The following CDH18 variants were observed in gnomAD, a reference collection of about 807,000 sequenced individuals.
The protein encoded by CDH18 is cadherin 18, also known as cadherin-18.
Under a neutral mutation model 67.9 loss-of-function variants are expected in CDH18, and 31 were observed. The ratio of observed to expected loss-of-function variants is 0.46; its 90% CI spans 0.34 to 0.62. CDH18 has a LOEUF of 0.62. CDH18 is among the 20% of genes least tolerant of loss of function. The pLI, the probability that CDH18 is intolerant of heterozygous loss-of-function variation, is 0.01. For synonymous variants in CDH18, 362 were observed against 347.2 expected (o/e 1.04, Z -0.48); for missense variants, 890 against 975.5 (o/e 0.91, Z 1.17).
At chr5:20,529,408 A>G (rs767335968) in intron 1 of CDH18, among the ~76,000 whole-genome samples, 4 of 152,082 alleles carry the variant, frequency 2.6e-5, no homozygotes, top group Non-Finnish European at 5.9e-5. Context: ...CATCATCCTG[A>G]TACCAAAACC....
At chr5:19,688,218 G>A (rs1447805536) in intron 5 of CDH18, among the ~76,000 whole-genome samples, 1 of 152,182 alleles carries the variant, frequency 6.6e-6, no homozygotes, top group African/African-American at 2.4e-5. Context: ...AAAGAAGGAA[G>A]TGGCCTAGAG....
chr5:20,375,196 C>T (rs1295355443), intron 1 of CDH18, among the ~76,000 whole-genome samples: 1 of 152,130 alleles, frequency 6.6e-6, no homozygotes. Flanking sequence ...TATAAGCCAA[C>T]ACATTTCTTT....
At chr5:19,730,523 G>C (rs1767449928) in intron 4 of CDH18, among the ~76,000 whole-genome samples, 1 of 152,074 alleles carries the variant, frequency 6.6e-6, no homozygotes, top group South Asian at 2.1e-4. Flanking sequence ...TTGGGGATGG[G>C]ACCCAAGTTT....
intron 1 of CDH18, among the ~76,000 whole-genome samples, chr5:20,316,742 A>G (rs2149999027): frequency 6.6e-6 from 1 of 152,144 alleles, no homozygotes; most frequent in East Asian, 1.9e-4. Context: ...GAAAAAGGAG[A>G]GTAGTCTAAA....
chr5:19,839,282 T>G, intron 2 of CDH18, 40 bp from the exon 3 acceptor site: 1 of 339,746 alleles, frequency 2.9e-6, no homozygotes. Flanking sequence ...CAAAACACGG[T>G]TTTTTTAACT....
At chr5:19,897,858 T>A (rs1455201586) in intron 2 of CDH18, among the ~76,000 whole-genome samples, 2 of 152,086 alleles carry the variant, frequency 1.3e-5, no homozygotes, top group Non-Finnish European at 2.9e-5. Flanking sequence ...TCTATGAAAG[T>A]AGAAGTCAGG....
At chr5:19,539,698 G>C (rs540891125) in intron 9 of CDH18, among the ~76,000 whole-genome samples, 11 of 152,272 alleles carry the variant, frequency 7.2e-5, no homozygotes, top group African/African-American at 2.6e-4. Context: ...CAGCAGGCAA[G>C]AGAAAGCCTG....
intron 1 of CDH18, among the ~76,000 whole-genome samples, chr5:20,423,987 G>GA (rs1354846621): frequency 2.3e-5 from 3 of 130,552 alleles, no homozygotes; most frequent in Admixed American, 7.6e-5. Flanking sequence ...CCTAGAAATA[G>GA]AAAAAAAGTA....
At chr5:20,336,423 T>A (rs1217088807) in intron 1 of CDH18, among the ~76,000 whole-genome samples, 13 of 151,800 alleles carry the variant, frequency 8.6e-5, no homozygotes, top group Admixed American at 3.3e-4. Flanking sequence ...AGAAATGGGG[T>A]TAAGAACTTC....
intron 1 of CDH18, among the ~76,000 whole-genome samples, chr5:20,306,798 A>G (rs1003841173): frequency 2.6e-5 from 4 of 152,126 alleles, no homozygotes; most frequent in Non-Finnish European, 4.4e-5. Flanking sequence ...TCAGTGATTG[A>G]TATATTACTT....
chr5:19,930,067 T>C (rs1381515239), intron 2 of CDH18, among the ~76,000 whole-genome samples: 1 of 151,994 alleles, frequency 6.6e-6, no homozygotes, highest in Non-Finnish European at 1.5e-5. Flanking sequence ...GTTAGGCAAA[T>C]ATTCAAAGCT....
chr5:20,321,655 T>G (rs376001621), intron 1 of CDH18, among the ~76,000 whole-genome samples: 87 of 152,304 alleles, frequency 5.7e-4, no homozygotes, highest in African/African-American at 2.1e-3. Context: ...TCCTTTTCCT[T>G]TATTCTCTCC....
At chr5:19,936,882 A>T (rs565533738) in intron 2 of CDH18, among the ~76,000 whole-genome samples, 1 of 151,190 alleles carries the variant, frequency 6.6e-6, no homozygotes, top group Non-Finnish European at 1.5e-5. Context: ...ATGAATATAG[A>T]TGTAATAATA....
At chr5:20,558,626 C>T (rs891351994) in intron 1 of CDH18, among the ~76,000 whole-genome samples, 1 of 152,140 alleles carries the variant, frequency 6.6e-6, no homozygotes, top group East Asian at 1.9e-4. Context: ...ATGCATTTAT[C>T]CCTTCAGTCT....
intron 1 of CDH18, among the ~76,000 whole-genome samples, chr5:20,263,331 T>C (rs543210871): frequency 9.9e-5 from 15 of 152,172 alleles, no homozygotes; most frequent in Non-Finnish European, 1.8e-4. Flanking sequence ...AGTTGGGTAT[T>C]GGATAGATAT....
At chr5:20,240,617 T>C (rs2126543472) in intron 2 of CDH18, among the ~76,000 whole-genome samples, 1 of 152,330 alleles carries the variant, frequency 6.6e-6, no homozygotes, top group South Asian at 2.1e-4. Flanking sequence ...TGAAATATAT[T>C]CTTTCTAAAG....
At chr5:20,465,834 G>T (rs905944182) in intron 1 of CDH18, among the ~76,000 whole-genome samples, 7 of 152,044 alleles carry the variant, frequency 4.6e-5, no homozygotes, top group Admixed American at 3.9e-4. Flanking sequence ...TACAGTCATC[G>T]CAACGCTCTG....
intron 3 of CDH18, among the ~76,000 whole-genome samples, chr5:19,755,224 A>G (rs955149621): frequency 6.6e-6 from 1 of 150,976 alleles, no homozygotes; most frequent in African/African-American, 2.4e-5. Context: ...AATAAAAAAA[A>G]GAAATAAAAA....
intron 1 of CDH18, among the ~76,000 whole-genome samples, chr5:20,543,733 G>T (rs1757181795): frequency 6.6e-6 from 1 of 151,960 alleles, no homozygotes; most frequent in African/African-American, 2.4e-5. Context: ...TTTACTCTCT[G>T]ATTACTTTGA....
Sources: allele counts gnomAD v4.1 joint callset (sites outside exome capture counted in the v4.1 genomes callset), GRCh38; gene constraint gnomAD v4.1.1; transcripts MANE v1.5; gene names NCBI Gene and HGNC (gene_info 2026-07-23, HGNC 2026-07-21).